IMMP2L: variants seen among roughly 807,000 people sequenced by gnomAD.
IMMP2L encodes the protein inner mitochondrial membrane peptidase subunit 2.
Under a neutral mutation model 19.3 loss-of-function variants are expected in IMMP2L, and 18 were observed. That is an observed-to-expected ratio of 0.93 (90% CI 0.64 to 1.38). The LOEUF (loss-of-function observed/expected upper bound fraction) is 1.38. Among genes scored for constraint, IMMP2L ranks in the 40% most tolerant of loss-of-function variants. The probability of loss-of-function intolerance (pLI) is 0.00; values close to 1 mark genes in which losing one functional copy is unlikely to be tolerated. For missense variants in IMMP2L, 233 were observed against 218.2 expected (o/e 1.07, Z -0.43); for synonymous variants, 76 against 73.0 (o/e 1.04, Z -0.21).
intron 3 of IMMP2L, chr7:111,124,228 G>A (rs543081195): frequency 5.8e-5 from 94 of 1,613,904 alleles, no homozygotes; most frequent in Middle Eastern, 3.3e-4. Flanking sequence ...TATAAATGGC[G>A]TAACTCCCAA....
intron 5 of IMMP2L, among the ~76,000 whole-genome samples, chr7:110,770,890 T>A (rs1190247820): frequency 1.3e-5 from 2 of 152,132 alleles, no homozygotes; most frequent in Non-Finnish European, 2.9e-5. Context: ...AAAATCACCA[T>A]GTAATTAACA....
At position 110,877,954 on chromosome 7, in the gene IMMP2L, A is replaced by G. The variant is rs2129544586; in HGVS notation, c.408+8639T>C. On this transcript the variant is annotated intron_variant, in intron 5 of 5. Transcript: ENST00000405709. This position sits in a 1 kb window ranked among gnomAD's most constrained non-coding sequence, Gnocchi z 4.0. Reference sequence around the variant, plus strand: ...GCACAATGGATTGATTCCAAATGCCATGAAACTTCACCAGTTGATCACAGG... The same window carrying G: ...GCACAATGGATTGATTCCAAATGCCGTGAAACTTCACCAGTTGATCACAGG... Among the ~76,000 whole-genome samples, 1 of 152,302 alleles carries G rather than the reference A, an allele frequency of 6.6e-6. No individual in the cohort carries two copies. The highest frequency in any genetic ancestry group is 2.1e-4 in the South Asian group (1 of 4,826).
At chr7:111,259,286 C>T (rs1817054794) in intron 3 of IMMP2L, among the ~76,000 whole-genome samples, 1 of 151,978 alleles carries the variant, frequency 6.6e-6, no homozygotes, top group South Asian at 2.1e-4. Context: ...CTACTGTTGA[C>T]TTTATAAACA....
At chr7:111,324,608 CA>C (rs1188866464) in intron 3 of IMMP2L, among the ~76,000 whole-genome samples, 2 of 151,586 alleles carry the variant, frequency 1.3e-5, no homozygotes, top group Non-Finnish European at 2.9e-5. Context: ...ATAAAAAATT[CA>C]TTCAAAATCA....
At chr7:111,021,151 C>T (rs147976653) in intron 3 of IMMP2L, among the ~76,000 whole-genome samples, 1 of 152,224 alleles carries the variant, frequency 6.6e-6, no homozygotes, top group African/African-American at 2.4e-5. Flanking sequence ...TACACTATTC[C>T]TTATACCAGG....
At chr7:111,166,696 G>A (rs867414510) in intron 3 of IMMP2L, among the ~76,000 whole-genome samples, 4 of 151,950 alleles carry the variant, frequency 2.6e-5, no homozygotes, top group Non-Finnish European at 5.9e-5. Context: ...AGGTGTCATC[G>A]GGCTACATTT....
intron 3 of IMMP2L, among the ~76,000 whole-genome samples, chr7:111,486,419 C>T (rs369196065): frequency 1.3e-5 from 2 of 152,094 alleles, no homozygotes; most frequent in East Asian, 3.9e-4. Context: ...AAGTATTTAC[C>T]CAGTAGCAGG....
At chr7:110,906,340 T>A (rs1314383112) in intron 4 of IMMP2L, among the ~76,000 whole-genome samples, 1 of 152,230 alleles carries the variant, frequency 6.6e-6, no homozygotes, top group Non-Finnish European at 1.5e-5. Context: ...GTTGTGAACA[T>A]TCTAGGTCAC....
At chr7:111,119,160 T>C (rs1226958040) in intron 3 of IMMP2L, among the ~76,000 whole-genome samples, 1 of 152,204 alleles carries the variant, frequency 6.6e-6, no homozygotes, top group Non-Finnish European at 1.5e-5. Context: ...TTGACAGAAG[T>C]AATGGTTTCT....
intron 3 of IMMP2L, among the ~76,000 whole-genome samples, chr7:111,016,197 C>A (rs898204297): frequency 1.3e-5 from 2 of 151,400 alleles, no homozygotes; most frequent in African/African-American, 4.9e-5. Context: ...AAAACTACGT[C>A]TTCACTTTGC....
At chr7:111,033,810 C>A (rs1791068793) in intron 3 of IMMP2L, among the ~76,000 whole-genome samples, 1 of 152,166 alleles carries the variant, frequency 6.6e-6, no homozygotes, top group African/African-American at 2.4e-5. Context: ...AGTTAATATT[C>A]ATAGCAGTGT....
intron 3 of IMMP2L, among the ~76,000 whole-genome samples, chr7:111,309,207 G>GAAA (rs1348861004): frequency 2.0e-5 from 3 of 152,114 alleles, no homozygotes; most frequent in Non-Finnish European, 4.4e-5. Context: ...TTCATTATTT[G>GAAA]CAGTTTTATT....
At chr7:110,853,063 A>C (rs1806401122) in intron 5 of IMMP2L, among the ~76,000 whole-genome samples, 1 of 152,050 alleles carries the variant, frequency 6.6e-6, no homozygotes. Flanking sequence ...ATAATAAATC[A>C]CATAAGCAGT....
intron 4 of IMMP2L, among the ~76,000 whole-genome samples, chr7:110,913,431 A>C (rs1446423242): frequency 6.6e-6 from 1 of 152,118 alleles, no homozygotes; most frequent in Non-Finnish European, 1.5e-5. Context: ...TAAAACATAG[A>C]AGGAACTCAT....
intron 5 of IMMP2L, among the ~76,000 whole-genome samples, chr7:110,814,439 A>C (rs1033650595): frequency 2.6e-5 from 4 of 151,128 alleles, no homozygotes; most frequent in Admixed American, 6.6e-5. Context: ...AAAAAAAAAA[A>C]AACTATATAG....
rs374621101 is a variant in IMMP2L, at chr7:110,696,425, C to CTTTT, written c.409-32708_409-32705dup. Among the ~76,000 whole-genome samples the CTTTT allele has an allele frequency of 6.0e-3, 717 of 119,780 alleles. 25 individuals carry two copies. Among genetic ancestry groups the CTTTT allele is most frequent in the South Asian group, 0.028 (106 of 3,730 alleles). The allele number at this position is 119,780 out of a possible 152,430, so 78.6% of individuals were successfully genotyped here. A position where few individuals can be genotyped will look rare whatever the true frequency, so the allele number is the denominator to read the frequency against. On this transcript the variant is annotated intron_variant, in intron 5 of 5. Coordinates refer to ENST00000405709, the MANE Select transcript of IMMP2L (RefSeq NM_032549.4). ...TCTGCACTGAGACATTCCTTTTTCT[C>CTTTT]TTTTTTTTTTTTTTTTTTTGAGACA... is the stretch of plus-strand genomic sequence containing the variant.
chr7:111,534,155 C>T (rs1847656250), intron 1 of IMMP2L, among the ~76,000 whole-genome samples: 2 of 151,932 alleles, frequency 1.3e-5, no homozygotes, highest in Admixed American at 1.3e-4. Context: ...ATGAATATAC[C>T]TTCTGATGCA....
At chr7:111,441,261 G>A (rs1196998136) in intron 3 of IMMP2L, among the ~76,000 whole-genome samples, 1 of 151,864 alleles carries the variant, frequency 6.6e-6, no homozygotes, top group Non-Finnish European at 1.5e-5. Flanking sequence ...GCCTATCTAG[G>A]CTTTCAACAC....
chr7:111,435,210 T>C (rs906083058), intron 3 of IMMP2L, among the ~76,000 whole-genome samples: 2 of 151,860 alleles, frequency 1.3e-5, no homozygotes, highest in African/African-American at 4.9e-5. Context: ...GAAATCATCA[T>C]ATTAAAAAGA....
Sources: gnomAD v4.1 joint callset for allele counts (sites outside exome capture counted in the v4.1 genomes callset) on GRCh38, gnomAD v4.1.1 for gene constraint, Gnocchi (gnomAD v3.1) non-coding constraint, MANE v1.5 for transcripts, NCBI Gene and HGNC (gene_info 2026-07-23, HGNC 2026-07-21) for gene names.